CARS2: variants seen among roughly 807,000 people sequenced by gnomAD.
CARS2 encodes probable cysteine--tRNA ligase, mitochondrial.
A neutral mutation model predicts 68.8 loss-of-function variants in CARS2; 52 were observed. The observed-to-expected ratio is 0.76, with a 90% CI of 0.61 to 0.95. The LOEUF is 0.95. Ranked by LOEUF, CARS2 falls within the 40% of genes least tolerant of loss-of-function variation. The pLI is 0.00. For missense variants in CARS2, 780 were observed against 754.2 expected (o/e 1.03, Z -0.40); for synonymous variants, 314 against 303.6 (o/e 1.03, Z -0.36).
intron 9 of CARS2, among the ~76,000 whole-genome samples, chr13:110,655,043 G>A (rs1490883236): frequency 6.6e-6 from 1 of 152,036 alleles, no homozygotes; most frequent in Non-Finnish European, 1.5e-5. Flanking sequence ...TCTACTGCCA[G>A]TAGGAATGTA....
chr13:110,679,517 T>G (rs1290369811), intron 6 of CARS2, among the ~76,000 whole-genome samples: 9 of 124,460 alleles, frequency 7.2e-5, no homozygotes, highest in African/African-American at 2.7e-4. Context: ...ACAACAAGAG[T>G]GACATTCTAT....
intron 3 of CARS2, chr13:110,697,772 T>C (rs2063666120): frequency 5.9e-6 from 2 of 337,564 alleles, no homozygotes; most frequent in Admixed American, 4.5e-5. Context: ...CAAAAGCATA[T>C]ATGTTCATAG....
At chr13:110,643,302 C>T (rs1219218175) in intron 13 of CARS2, 3 of 158,044 alleles carry the variant, frequency 1.9e-5, no homozygotes, top group Non-Finnish European at 2.8e-5. Flanking sequence ...GGAAAGCCAC[C>T]CCTAAAAATG....
Position 110,642,523 on chromosome 13 carries a change from T to C in CARS2, c.1417-2A>G. 6.2e-7 allele frequency: 1 copy of C among 1,609,092 alleles called. No homozygotes were observed. On this transcript the variant is annotated splice_acceptor_variant, in intron 13 of 14. Transcript: ENST00000257347. LOFTEE classifies it high-confidence loss of function. ...CTCGCTGCCGTCTCCTGAAACGTAC[T>C]GAAGCCAGCAGGGCGCGGTTACGTC...
intron 2 of CARS2, among the ~76,000 whole-genome samples, chr13:110,704,465 T>C (rs2139940988): frequency 6.6e-6 from 1 of 152,378 alleles, no homozygotes; most frequent in Middle Eastern, 3.4e-3. Context: ...GGTTCATGCC[T>C]GTAATCCCAA....
At chr13:110,685,823 CA>C (rs2063285042) in intron 5 of CARS2, among the ~76,000 whole-genome samples, 1 of 151,938 alleles carries the variant, frequency 6.6e-6, no homozygotes, top group Non-Finnish European at 1.5e-5. Context: ...ACCAAAGCAG[CA>C]AAACAGCAAG....
intron 3 of CARS2, among the ~76,000 whole-genome samples, chr13:110,690,732 C>T (rs2139873646): frequency 6.6e-6 from 1 of 152,374 alleles, no homozygotes; most frequent in East Asian, 1.9e-4. Flanking sequence ...GACTTGGCCG[C>T]TCCTGCAAGC....
At chr13:110,700,743 T>A (rs2063760544) in intron 3 of CARS2, among the ~76,000 whole-genome samples, 1 of 152,224 alleles carries the variant, frequency 6.6e-6, no homozygotes, top group South Asian at 2.1e-4. Flanking sequence ...ATGAAAGGCA[T>A]CATTAGCACA....
chr13:110,689,232 A>G (rs978595850), intron 3 of CARS2, among the ~76,000 whole-genome samples: 5 of 152,242 alleles, frequency 3.3e-5, no homozygotes, highest in Non-Finnish European at 7.3e-5. Context: ...GCCGGGCATC[A>G]TAACTGCTGG....
chr13:110,679,549 A>AAAAG (rs796611242), intron 6 of CARS2, among the ~76,000 whole-genome samples: 1 of 108,244 alleles, frequency 9.2e-6, no homozygotes, highest in African/African-American at 3.3e-5. Context: ...AAAAGAAAAG[A>AAAAG]AAAGAAAGAA....
chr13:110,687,981 TC>T lies in CARS2; in HGVS notation c.430del (p.Glu144ArgfsTer11). 6.2e-7 allele frequency: 1 copy of T among 1,612,680 alleles called. No homozygotes were observed. The highest frequency in any genetic ancestry group is 8.5e-7 in the Non-Finnish European group (1 of 1,179,604). On this transcript the variant is annotated frameshift_variant, in exon 4 of 15. Transcript: ENST00000257347. LOFTEE classifies it high-confidence loss of function. ...ISPASLASLY[E>X]EDFKQDMAAL... is the part of the protein sequence containing the mutation. ...TGCCATGTCCTGCTTGAAGTCTTCC[TC>T]ATAAAGACTGGCGAGGGAAGCGGGG...
chr13:110,705,509 C>T lies in CARS2; in HGVS notation c.275+12G>A, dbSNP rs1175548823. 4 of 1,575,406 alleles carry T rather than the reference C, an allele frequency of 2.5e-6. No individual in the cohort carries two copies. The East Asian group carries it at 6.9e-5, about 27-fold the overall frequency. ...CCTTTGAAGTATGAAAATTCAAATC[C>T]AGGAAACTCACCAAGCATGGCCAAG... On this transcript the variant is annotated intron_variant, in intron 2 of 14. Coordinates refer to ENST00000257347, the MANE Select transcript of CARS2 (RefSeq NM_024537.4). The surrounding 1 kb of genome is among the most constrained non-coding windows in gnomAD (Gnocchi z 4.0).
chr13:110,645,908 G>A (rs1888044766), intron 12 of CARS2, 59 bp downstream of exon 12: 1 of 1,573,670 alleles, frequency 6.4e-7, no homozygotes, highest in African/African-American at 1.4e-5. Flanking sequence ...AAACCCACCA[G>A]AGGACCCGAC....
At chr13:110,659,057 A>G (rs1391549665) in intron 9 of CARS2, among the ~76,000 whole-genome samples, 1 of 152,214 alleles carries the variant, frequency 6.6e-6, no homozygotes, top group Non-Finnish European at 1.5e-5. Context: ...AGAATAGAGA[A>G]GTGTGATGAT....
intron 7 of CARS2, among the ~76,000 whole-genome samples, chr13:110,671,686 A>G (rs561441044): frequency 6.6e-6 from 1 of 152,192 alleles, no homozygotes; most frequent in South Asian, 2.1e-4. Context: ...CTAACATCAT[A>G]ATGACAGGAT....
chr13:110,690,976 A>C (rs1244617419), intron 3 of CARS2, among the ~76,000 whole-genome samples: 1 of 152,126 alleles, frequency 6.6e-6, no homozygotes, highest in East Asian at 1.9e-4. Context: ...GTTTCTATTG[A>C]GTGGTATAGG....
rs537908679 is a variant in CARS2 at position 110,675,910 on chromosome 13, C to T, written c.785+1064G>A. On this transcript the variant is annotated intron_variant, in intron 7 of 14. Coordinates refer to ENST00000257347, the MANE Select transcript of CARS2 (RefSeq NM_024537.4). ...GTGGCTCACACCTGTAATCCCAGCA[C>T]TTTGGGAGGCCAAGGCGGGCGGATT... 2.2e-4 allele frequency among the ~76,000 whole-genome samples: 34 copies of T among 152,270 alleles called. No individual in the cohort carries two copies. In the South Asian group the frequency reaches 5.4e-3, roughly 24 times the overall value.
chr13:110,675,666 C>A (rs1184332480), intron 7 of CARS2, among the ~76,000 whole-genome samples: 1 of 152,154 alleles, frequency 6.6e-6, no homozygotes, highest in African/African-American at 2.4e-5. Flanking sequence ...TGTAACAAAC[C>A]TGCACATTGT....
chr13:110,683,868 AAAAAAATCATCTGC>A (rs2063222993), intron 5 of CARS2, among the ~76,000 whole-genome samples: 1 of 152,138 alleles, frequency 6.6e-6, no homozygotes, highest in African/African-American at 2.4e-5. Flanking sequence ...AAAAACACAC[AAAAAAATCATCTGC>A]ATATTGAAGT....
Sources: gnomAD v4.1 joint callset for allele counts (sites outside exome capture counted in the v4.1 genomes callset) on GRCh38, gnomAD v4.1.1 for gene constraint, Gnocchi (gnomAD v3.1) non-coding constraint, MANE v1.5 for transcripts, NCBI Gene and HGNC (gene_info 2026-07-23, HGNC 2026-07-21) for gene names.